The following GATAD2A variants were observed in gnomAD, a reference collection of about 807,000 sequenced individuals.
GATAD2A encodes the protein transcriptional repressor p66-alpha.
Under a neutral mutation model 68.5 loss-of-function variants are expected in GATAD2A, and 12 were observed. That is an observed-to-expected ratio of 0.18 (90% CI 0.11 to 0.28). The LOEUF (loss-of-function observed/expected upper bound fraction) is 0.28, where lower values mean the gene tolerates loss of function less well. GATAD2A is among the 10% of genes least tolerant of loss of function. GATAD2A has a pLI of 1.00. For synonymous variants in GATAD2A, 410 were observed against 375.3 expected (o/e 1.09, Z -1.07); for missense variants, 755 against 868.5 (o/e 0.87, Z 1.64).
intron 1 of GATAD2A, among the ~76,000 whole-genome samples, chr19:19,396,656 T>G (rs2049263658): frequency 6.6e-6 from 1 of 152,224 alleles, no homozygotes; most frequent in Non-Finnish European, 1.5e-5. Context: ...GTGCTGGGAT[T>G]TCAGGCATGA....
chr19:19,499,726 G>A (rs1180868113), intron 8 of GATAD2A, among the ~76,000 whole-genome samples: 1 of 152,206 alleles, frequency 6.6e-6, no homozygotes, highest in Non-Finnish European at 1.5e-5. Flanking sequence ...TGGGCCTGGC[G>A]CAGCCTCAGA....
intron 2 of GATAD2A, among the ~76,000 whole-genome samples, chr19:19,477,405 C>T (rs905012073): frequency 2.6e-5 from 4 of 152,152 alleles, no homozygotes; most frequent in African/African-American, 9.7e-5. Flanking sequence ...CAGAATTCCT[C>T]AAGGCAGGGC....
chr19:19,481,565 A>T (rs1172294778), intron 2 of GATAD2A, among the ~76,000 whole-genome samples: 1 of 152,136 alleles, frequency 6.6e-6, no homozygotes, highest in Admixed American at 6.5e-5. Context: ...AGCTCAGGTC[A>T]TCCTCTCACC....
chr19:19,408,355 C>A (rs1364320750), intron 1 of GATAD2A, among the ~76,000 whole-genome samples: 1 of 152,122 alleles, frequency 6.6e-6, no homozygotes, highest in Non-Finnish European at 1.5e-5. Context: ...AATGCAGTAT[C>A]ATTTGGCAAA....
At chr19:19,457,097 A>C (rs1375709698) in intron 1 of GATAD2A, 1 of 985,298 alleles carries the variant, frequency 1.0e-6, no homozygotes, top group East Asian at 1.1e-4. Context: ...GAGCACTCCT[A>C]TCTGTGACAC....
At chr19:19,447,870 C>G (rs1392701189) in intron 1 of GATAD2A, among the ~76,000 whole-genome samples, 2 of 152,220 alleles carry the variant, frequency 1.3e-5, no homozygotes, top group African/African-American at 2.4e-5. Flanking sequence ...CTTCCAGGAA[C>G]TGAGAAGGCT....
rs1355173237 is a variant in GATAD2A at position 19,507,757 on chromosome 19, T to A, written c.*2283T>A. On this transcript the variant is annotated 3_prime_UTR_variant, in exon 12 of 12. Coordinates refer to ENST00000683918, the MANE Select transcript of GATAD2A (RefSeq NM_001384528.1). Reference sequence around the variant, plus strand: ...ACGTACATACTGTGATGTAAACTTTTTTTTTTTCCCCCCAGGGGGCAAAAG... The same window carrying A: ...ACGTACATACTGTGATGTAAACTTTATTTTTTTCCCCCCAGGGGGCAAAAG... 6.8e-6 allele frequency: 1 copy of A among 147,776 alleles called. No homozygotes were observed. Among genetic ancestry groups the A allele is most frequent in the Non-Finnish European group, 1.5e-5 (1 of 67,952 alleles). The allele number at this position is 147,776 out of a possible 1,614,324, so 9.2% of individuals were successfully genotyped here. A position where few individuals can be genotyped will look rare whatever the true frequency, so the allele number is the denominator to read the frequency against.
chr19:19,497,266 T>C (rs1006918151), intron 7 of GATAD2A, among the ~76,000 whole-genome samples: 15 of 152,224 alleles, frequency 9.9e-5, no homozygotes, highest in African/African-American at 3.6e-4. Context: ...CAGCTAGTTA[T>C]TGTATTTTTA....
intron 1 of GATAD2A, among the ~76,000 whole-genome samples, chr19:19,458,984 C>A (rs775405833): frequency 6.6e-6 from 1 of 151,966 alleles, no homozygotes; most frequent in Non-Finnish European, 1.5e-5. Flanking sequence ...TTCCTTTTTT[C>A]TTTAAGAAAC....
At chr19:19,492,911 A>T (rs2059899302) in intron 4 of GATAD2A, among the ~76,000 whole-genome samples, 199 bp downstream of exon 4, 1 of 149,900 alleles carries the variant, frequency 6.7e-6, no homozygotes. Flanking sequence ...TTCAGTCTAG[A>T]GTATTCTGGT....
At chr19:19,458,108 T>C (rs368531232) in intron 1 of GATAD2A, among the ~76,000 whole-genome samples, 5 of 152,186 alleles carry the variant, frequency 3.3e-5, no homozygotes, top group East Asian at 3.9e-4. Flanking sequence ...GTATCTCTGG[T>C]GTGTCTTTAC....
At chr19:19,399,015 C>T (rs2049491133) in intron 1 of GATAD2A, among the ~76,000 whole-genome samples, 1 of 151,836 alleles carries the variant, frequency 6.6e-6, no homozygotes, top group African/African-American at 2.4e-5. Context: ...GCTGAGATCA[C>T]GCCACTGCCC....
chr19:19,387,578 C>T lies in GATAD2A; in HGVS notation c.-7+1440C>T, dbSNP rs146540856. Among the ~76,000 whole-genome samples, 1,416 of 152,254 alleles carry T rather than the reference C, an allele frequency of 9.3e-3. 21 individuals are homozygous for T. Among genetic ancestry groups the T allele is most frequent in the African/African-American group, 0.032 (1,327 of 41,536 alleles). ...AGGTGATCCACCCGCCTCGGCCTCCCACAGTGTTGGGATTACAGGTGTGAG... is the reference window on the plus strand; with the variant it reads ...AGGTGATCCACCCGCCTCGGCCTCCTACAGTGTTGGGATTACAGGTGTGAG... On this transcript the variant is annotated intron_variant, in intron 1 of 11. Transcript: ENST00000360315.
At chr19:19,458,385 C>G (rs1295477570) in intron 1 of GATAD2A, 1 of 152,280 alleles carries the variant, frequency 6.6e-6, no homozygotes, top group Non-Finnish European at 1.5e-5. Flanking sequence ...TACTTGTTTG[C>G]TCCTCTTTGC....
intron 1 of GATAD2A, among the ~76,000 whole-genome samples, chr19:19,460,849 G>A (rs143507717): frequency 2.0e-4 from 30 of 152,242 alleles, no homozygotes; most frequent in African/African-American, 3.4e-4. Context: ...CCTCCCCTCC[G>A]GCCTGGGCCA....
In GATAD2A at chr19:19,433,404, G is replaced by C. The variant is rs146926233; in HGVS notation, c.-7+27385G>C. 6.1e-3 allele frequency among the ~76,000 whole-genome samples: 933 copies of C among 152,190 alleles called. 5 individuals carry two copies. The highest frequency in any genetic ancestry group is 0.01 in the Middle Eastern group (3 of 294). ...AAATTTGTGCCTGTTTTTCCATGTT[G>C]TTTTCGTTATTCTAGGTCCGTTGCA... On this transcript the variant is annotated intron_variant, in intron 1 of 11. Transcript: ENST00000683918.
chr19:19,505,496 G>A lies in GATAD2A; in HGVS notation c.*22G>A. ...ATAGTGCGAGCCAGGCCCCGTGGAA[G>A]ACGGGCTCCCTCCTCCCCCACCTGG... On this transcript the variant is annotated 3_prime_UTR_variant, in exon 12 of 12. Transcript: ENST00000683918. 10 of 1,554,030 alleles carry A rather than the reference G, an allele frequency of 6.4e-6. No individual in the cohort carries two copies. The highest frequency in any genetic ancestry group is 8.7e-6 in the Non-Finnish European group (10 of 1,149,782).
chr19:19,400,022 ATT>A (rs11367631), intron 1 of GATAD2A, among the ~76,000 whole-genome samples: 9 of 146,964 alleles, frequency 6.1e-5, no homozygotes, highest in East Asian at 3.9e-4. Context: ...TAGTTTTCTG[ATT>A]TTTTTTTTTT....
intron 1 of GATAD2A, among the ~76,000 whole-genome samples, chr19:19,407,654 G>A (rs998466105): frequency 6.6e-5 from 10 of 152,228 alleles, no homozygotes; most frequent in African/African-American, 2.4e-4. Flanking sequence ...TGCGGATGTA[G>A]GGGATAATCT....
Sources: gnomAD v4.1 joint callset for allele counts (sites outside exome capture counted in the v4.1 genomes callset) on GRCh38, gnomAD v4.1.1 for gene constraint, MANE v1.5 for transcripts, NCBI Gene and HGNC (gene_info 2026-07-23, HGNC 2026-07-21) for gene names.